Variants in MYO1B observed in about 807,000 individuals in gnomAD.
MYO1B encodes the protein myosin IB.
MYO1B carries 72 observed loss-of-function variants against 159.7 expected under a neutral mutation model. That is an observed-to-expected ratio of 0.45 (90% confidence interval 0.37 to 0.55). The LOEUF (loss-of-function observed/expected upper bound fraction) is 0.55, where lower values mean the gene tolerates loss of function less well. Among genes scored for constraint, MYO1B ranks in the 20% least tolerant of loss-of-function variants. The pLI, the probability that MYO1B is intolerant of heterozygous loss-of-function variation, is 0.00. For synonymous variants in MYO1B, 468 were observed against 473.8 expected, an observed-to-expected ratio of 0.99 and a Z score of 0.16; for missense variants, 1,062 against 1,364.8, an observed-to-expected ratio of 0.78 and a Z score of 3.50.
chr2:191,287,122 T>C (rs1183868568), intron 2 of MYO1B, among the ~76,000 whole-genome samples: 1 of 152,086 alleles, frequency 6.6e-6, no homozygotes, highest in Non-Finnish European at 1.5e-5. Flanking sequence ...TAATAGGTAA[T>C]ATTTATGGAA....
chr2:191,256,271 G>T (rs1331720119), intron 1 of MYO1B, among the ~76,000 whole-genome samples: 1 of 152,166 alleles, frequency 6.6e-6, no homozygotes, highest in East Asian at 1.9e-4. Flanking sequence ...CGGACCCTGG[G>T]CTTGTAGCTT....
At chr2:191,338,394 T>C (rs1691995843) in intron 4 of MYO1B, among the ~76,000 whole-genome samples, 1 of 152,218 alleles carries the variant, frequency 6.6e-6, no homozygotes, top group South Asian at 2.1e-4. Flanking sequence ...AATAAAGTGA[T>C]TCTTAATTTC....
chr2:191,326,756 TTGTGTTTGTATATA>T (rs1691098068), intron 3 of MYO1B, among the ~76,000 whole-genome samples: 1 of 144,644 alleles, frequency 6.9e-6, no homozygotes, highest in Non-Finnish European at 1.5e-5. Context: ...TTCCAAAGCC[TTGTGTTTGTATATA>T]TGTGTGTGTG....
chr2:191,283,524 T>G (rs1233912395), intron 2 of MYO1B, among the ~76,000 whole-genome samples: 1 of 152,212 alleles, frequency 6.6e-6, no homozygotes, highest in Non-Finnish European at 1.5e-5. Flanking sequence ...TCCTTATTGG[T>G]ACCAGCTGCT....
chr2:191,273,279 C>T (rs983669543), intron 1 of MYO1B, among the ~76,000 whole-genome samples: 2 of 152,042 alleles, frequency 1.3e-5, no homozygotes, highest in Admixed American at 6.5e-5. Flanking sequence ...GTGCCACTAC[C>T]GCCTGGCTAA....
At chr2:191,261,210 G>A (rs1033236419) in intron 1 of MYO1B, among the ~76,000 whole-genome samples, 1 of 152,112 alleles carries the variant, frequency 6.6e-6, no homozygotes, top group Non-Finnish European at 1.5e-5. Context: ...GCGTGTGCCC[G>A]GTGTACTTAT....
intron 29 of MYO1B, 150 bp downstream of exon 29, chr2:191,414,819 G>A (rs10497718): frequency 0.032 from 22,532 of 703,468 alleles, 736 homozygotes; most frequent in African/African-American, 0.12. Context: ...CTCCGACTCA[G>A]TTTTTCAGTA....
At chr2:191,388,252 G>C (rs557611431) in intron 17 of MYO1B, 1 of 151,384 alleles carries the variant, frequency 6.6e-6, no homozygotes. Context: ...ACTCCAGCCC[G>C]GGTGACAATA....
Position 191,276,878 on chromosome 2 carries a change from C to T in MYO1B, c.-9-9C>T. On this transcript the variant is annotated splice_polypyrimidine_tract_variant and intron_variant, in intron 1 of 30. Coordinates refer to ENST00000392318, the MANE Select transcript of MYO1B (RefSeq NM_001130158.3). Reference sequence around the variant, plus strand: ...CGTTTAAATTGACCCCTTTCCCTCTCTTCTGCAGCTGGAGACCATGGCCAA... The same window carrying T: ...CGTTTAAATTGACCCCTTTCCCTCTTTTCTGCAGCTGGAGACCATGGCCAA... The T allele has an allele frequency of 6.3e-7, 1 of 1,595,738 alleles. No homozygotes were observed. The highest frequency in any genetic ancestry group is 8.5e-7 in the Non-Finnish European group (1 of 1,173,532).
intron 3 of MYO1B, among the ~76,000 whole-genome samples, chr2:191,329,441 A>G (rs2125916317): frequency 6.6e-6 from 1 of 152,064 alleles, no homozygotes; most frequent in Non-Finnish European, 1.5e-5. Context: ...CCTCATATTG[A>G]AACTTCAGTG....
intron 3 of MYO1B, among the ~76,000 whole-genome samples, chr2:191,305,649 C>T (rs916261238): frequency 1.3e-5 from 2 of 152,150 alleles, no homozygotes; most frequent in Non-Finnish European, 2.9e-5. Context: ...AAATAAATAC[C>T]GAAGGGAGAA....
chr2:191,404,569 C>T (rs1489236496), intron 24 of MYO1B, among the ~76,000 whole-genome samples: 2 of 152,118 alleles, frequency 1.3e-5, no homozygotes, highest in Non-Finnish European at 2.9e-5. Flanking sequence ...AGATGATAAT[C>T]AGTAACTAGA....
chr2:191,260,433 T>G (rs1686742462), intron 1 of MYO1B, among the ~76,000 whole-genome samples: 1 of 151,918 alleles, frequency 6.6e-6, no homozygotes, highest in Admixed American at 6.6e-5. Context: ...TTGGTTGTTT[T>G]GGGGTTTCTG....
rs921862951 is a variant in MYO1B at position 191,315,948 on chromosome 2, C to T, written c.252-13987C>T. Among the ~76,000 whole-genome samples, 4 of 152,168 alleles carry T rather than the reference C, an allele frequency of 2.6e-5. No homozygotes were observed. The South Asian group carries it at 6.2e-4, about 24-fold the overall frequency. On this transcript the variant is annotated intron_variant, in intron 3 of 30. Transcript: ENST00000392318. ...GGGAAGGGGAACAAGGTTTCGGCTC[C>T]GTAGGTGCCTAGTATACATCTAGGG...
chr2:191,262,814 A>G (rs1686904313), intron 1 of MYO1B, among the ~76,000 whole-genome samples: 1 of 152,176 alleles, frequency 6.6e-6, no homozygotes, highest in South Asian at 2.1e-4. Flanking sequence ...TTTTCTGCTT[A>G]ATCACATCCA....
At chr2:191,380,618 C>G (rs1046491003) in intron 13 of MYO1B, among the ~76,000 whole-genome samples, 31 of 152,174 alleles carry the variant, frequency 2.0e-4, no homozygotes, top group African/African-American at 7.2e-4. Context: ...GCAGATTGTT[C>G]AGAAATGATT....
chr2:191,332,478 G>T (rs1024136925), intron 4 of MYO1B, among the ~76,000 whole-genome samples: 8 of 151,384 alleles, frequency 5.3e-5, no homozygotes, highest in African/African-American at 1.9e-4. Context: ...TTGGTCCATT[G>T]TTACAACCTC....
At chr2:191,370,111 G>A in intron 12 of MYO1B, 116 bp from the exon 13 acceptor site, 2 of 689,844 alleles carry the variant, frequency 2.9e-6, no homozygotes, top group South Asian at 2.3e-5. Context: ...AACTAAATTA[G>A]TTATTTTCTT....
Position 191,357,295 on chromosome 2 carries a change from G to A in MYO1B, c.563-3336G>A, listed in dbSNP as rs74389768. On this transcript the variant is annotated intron_variant, in intron 7 of 30. Transcript: ENST00000392318. The stretch of plus-strand genomic sequence containing the variant: ...ACATGCACAGGCACTTATACGTGTT[G>A]TGGACTAGCTGTTAATGAGTCGAGC... Among the ~76,000 whole-genome samples the A allele has an allele frequency of 1.8e-3, 269 of 152,300 alleles. 5 individuals carry two copies. In the East Asian group the frequency reaches 0.049, roughly 28 times the overall value.
Sources: allele counts gnomAD v4.1 joint callset (sites outside exome capture counted in the v4.1 genomes callset), GRCh38; gene constraint gnomAD v4.1.1; transcripts MANE v1.5; gene names NCBI Gene and HGNC (gene_info 2026-07-23, HGNC 2026-07-21).